RIMS2: variants seen among roughly 807,000 people sequenced by gnomAD.
RIMS2 encodes regulating synaptic membrane exocytosis 2.
Under a neutral mutation model 174.4 loss-of-function variants are expected in RIMS2, and 59 were observed. That is an observed-to-expected ratio of 0.34 (90% CI 0.27 to 0.42). The LOEUF (loss-of-function observed/expected upper bound fraction) is 0.42, where lower values mean the gene tolerates loss of function less well. Among genes scored for constraint, RIMS2 ranks in the 10% least tolerant of loss-of-function variants. The probability of loss-of-function intolerance (pLI) is 1.00; values close to 1 mark genes in which losing one functional copy is unlikely to be tolerated. For synonymous variants in RIMS2, 606 were observed against 572.5 expected, an observed-to-expected ratio of 1.06 and a Z score of -0.84; for missense variants, 1,620 against 1,666.3, an observed-to-expected ratio of 0.97 and a Z score of 0.48.
At position 104,119,383 on chromosome 8, in the gene RIMS2, C is replaced by A. The variant is rs546793337; in HGVS notation, c.3334+104768C>A. The stretch of plus-strand genomic sequence containing the variant: ...TCAAAAACAAAAAAAACAAAAAAAA[C>A]CCATAATTTATTGTACTTCAGGTTT... On this transcript the variant is annotated intron_variant, in intron 19 of 23. Coordinates refer to ENST00000504942, the Ensembl canonical transcript of RIMS2. Among the ~76,000 whole-genome samples, 17 of 151,244 alleles carry A rather than the reference C, an allele frequency of 1.1e-4. No individual in the cohort carries two copies. In the South Asian group the frequency reaches 1.9e-3, roughly 17 times the overall value.
At chr8:104,001,909 A>G (rs2095406400) in intron 17 of RIMS2, among the ~76,000 whole-genome samples, 1 of 152,010 alleles carries the variant, frequency 6.6e-6, no homozygotes, top group Non-Finnish European at 1.5e-5. Flanking sequence ...TAGTAATATC[A>G]TTTTATTCAC....
At chr8:104,207,480 T>C (rs537585079) in intron 19 of RIMS2, among the ~76,000 whole-genome samples, 2 of 152,330 alleles carry the variant, frequency 1.3e-5, no homozygotes, top group African/African-American at 4.8e-5. Flanking sequence ...TTCCCTAGGA[T>C]GAAATATACT....
intron 2 of RIMS2, among the ~76,000 whole-genome samples, chr8:103,763,287 A>G (rs2098131900): frequency 6.6e-6 from 1 of 152,100 alleles, no homozygotes; most frequent in African/African-American, 2.4e-5. Flanking sequence ...AAATACAAAA[A>G]TTAGCTGGCG....
intron 19 of RIMS2, among the ~76,000 whole-genome samples, chr8:104,106,642 C>T (rs935304649): frequency 2.8e-4 from 42 of 151,930 alleles, no homozygotes; most frequent in Non-Finnish European, 1.2e-4. Flanking sequence ...GTAGAGAAAT[C>T]ATGAAATTGG....
Position 103,929,626 on chromosome 8 carries a change from C to T in RIMS2, c.2245-1637C>T, listed in dbSNP as rs140034897. Among the ~76,000 whole-genome samples, 460 of 151,648 alleles carry T rather than the reference C, an allele frequency of 3.0e-3. 3 individuals are homozygous for T. Among genetic ancestry groups the T allele is most frequent in the African/African-American group, 0.01 (427 of 41,412 alleles). On this transcript the variant is annotated intron_variant, in intron 11 of 23. Transcript: ENST00000504942. Reference sequence around the variant, plus strand: ...TTAAAACTGGTGAAAATAGAGAATACCATAGAAATCAGTTGGGTTTTTGTC... The same window carrying T: ...TTAAAACTGGTGAAAATAGAGAATATCATAGAAATCAGTTGGGTTTTTGTC...
intron 1 of RIMS2, among the ~76,000 whole-genome samples, chr8:103,526,206 G>C (rs79648015): frequency 0.023 from 3,437 of 152,270 alleles, 136 homozygotes; most frequent in African/African-American, 0.077. Context: ...TTCCTTAGGA[G>C]TAAGGATGAG....
chr8:103,799,260 A>C (rs2098585504), intron 3 of RIMS2, among the ~76,000 whole-genome samples: 1 of 152,210 alleles, frequency 6.6e-6, no homozygotes, highest in Non-Finnish European at 1.5e-5. Context: ...GTAAGACAAC[A>C]AACTTGTGTT....
At chr8:103,999,231 A>C (rs2095278178) in intron 17 of RIMS2, among the ~76,000 whole-genome samples, 1 of 151,800 alleles carries the variant, frequency 6.6e-6, no homozygotes, top group African/African-American at 2.4e-5. Flanking sequence ...TTGATTAAAA[A>C]CTAAAGAGTA....
intron 19 of RIMS2, among the ~76,000 whole-genome samples, chr8:104,076,492 AT>A (rs2097294710): frequency 6.6e-6 from 1 of 152,194 alleles, no homozygotes; most frequent in Non-Finnish European, 1.5e-5. Context: ...TGGAAGTATA[AT>A]TTCTTACAAT....
At chr8:104,069,855 T>C (rs1212512932) in intron 19 of RIMS2, among the ~76,000 whole-genome samples, 1 of 152,220 alleles carries the variant, frequency 6.6e-6, no homozygotes, top group African/African-American at 2.4e-5. Flanking sequence ...ATGAAAATAC[T>C]TTGTTCTGAT....
intron 19 of RIMS2, among the ~76,000 whole-genome samples, chr8:104,188,225 A>G (rs1166649643): frequency 1.8e-5 from 2 of 113,554 alleles, no homozygotes; most frequent in African/African-American, 6.4e-5. Context: ...TTGTTCAGAT[A>G]GATAGATAGA....
At chr8:104,208,433 T>TGG (rs1563762004) in intron 19 of RIMS2, among the ~76,000 whole-genome samples, 1 of 151,796 alleles carries the variant, frequency 6.6e-6, no homozygotes, top group Non-Finnish European at 1.5e-5. Flanking sequence ...CCGGGCGCAA[T>TGG]GGCGGGCACC....
At chr8:103,738,962 A>T (rs1355665245) in intron 2 of RIMS2, among the ~76,000 whole-genome samples, 6 of 152,116 alleles carry the variant, frequency 3.9e-5, no homozygotes, top group Non-Finnish European at 5.9e-5. Context: ...ATTGTGGAAG[A>T]CAGTGTGGCG....
chr8:104,204,477 C>T (rs2099070340), intron 19 of RIMS2, among the ~76,000 whole-genome samples: 2 of 152,084 alleles, frequency 1.3e-5, no homozygotes, highest in Non-Finnish European at 2.9e-5. Flanking sequence ...CTCTGCCTTA[C>T]AGGGGTGTTG....
intron 19 of RIMS2, among the ~76,000 whole-genome samples, chr8:104,154,665 C>T (rs2098710591): frequency 6.6e-6 from 1 of 152,090 alleles, no homozygotes; most frequent in Admixed American, 6.6e-5. Flanking sequence ...TAGGTGAGAT[C>T]CAGAACTTAA....
intron 19 of RIMS2, among the ~76,000 whole-genome samples, chr8:104,173,780 C>T (rs1291499401): frequency 3.3e-5 from 5 of 150,930 alleles, no homozygotes; most frequent in East Asian, 1.9e-4. Flanking sequence ...AGGCACCCGC[C>T]ACCATGCCTG....
chr8:103,618,473 G>A (rs1223031565), intron 1 of RIMS2, among the ~76,000 whole-genome samples: 1 of 152,208 alleles, frequency 6.6e-6, no homozygotes, highest in East Asian at 1.9e-4. Context: ...CTAGAGTAGG[G>A]ACAGGATTCA....
At chr8:103,650,161 T>C (rs2096422988) in intron 1 of RIMS2, among the ~76,000 whole-genome samples, 1 of 152,216 alleles carries the variant, frequency 6.6e-6, no homozygotes, top group Non-Finnish European at 1.5e-5. Flanking sequence ...CTTTTAATAG[T>C]GATGGCACTG....
intron 4 of RIMS2, among the ~76,000 whole-genome samples, chr8:103,904,196 A>C (rs2073869968): frequency 1.3e-5 from 2 of 152,128 alleles, no homozygotes; most frequent in South Asian, 2.1e-4. Flanking sequence ...GAAATCATAC[A>C]GTATGTGACA....
Sources: allele counts gnomAD v4.1 joint callset (sites outside exome capture counted in the v4.1 genomes callset), GRCh38; gene constraint gnomAD v4.1.1; transcripts MANE v1.5; gene names NCBI Gene and HGNC (gene_info 2026-07-23, HGNC 2026-07-21).